Variants in UHRF2 observed in about 807,000 individuals in gnomAD.
UHRF2 encodes E3 ubiquitin-protein ligase UHRF2.
UHRF2 carries 23 observed loss-of-function variants against 96.8 expected under a neutral mutation model. The observed-to-expected ratio is 0.24, with a 90% CI of 0.17 to 0.34. The LOEUF (loss-of-function observed/expected upper bound fraction) is 0.34. Ranked by LOEUF, UHRF2 falls within the 10% of genes least tolerant of loss-of-function variation. The probability of loss-of-function intolerance (pLI) is 1.00; values close to 1 mark genes in which losing one functional copy is unlikely to be tolerated. For synonymous variants in UHRF2, 385 were observed against 332.6 expected (o/e 1.16, Z -1.72); for missense variants, 685 against 981.5 (o/e 0.70, Z 4.04).
At chr9:6,488,235 C>G in intron 9 of UHRF2, among the ~76,000 whole-genome samples, 1 of 112,178 alleles carries the variant, frequency 8.9e-6, no homozygotes, top group African/African-American at 3.5e-5. Context: ...GAACAGAGAG[C>G]AAGACCCTGT....
At chr9:6,440,149 T>C (rs1821081144) in intron 3 of UHRF2, among the ~76,000 whole-genome samples, 1 of 152,302 alleles carries the variant, frequency 6.6e-6, no homozygotes, top group Admixed American at 6.5e-5. Context: ...GTAGAGACCC[T>C]GAAGCTATTG....
intron 3 of UHRF2, among the ~76,000 whole-genome samples, chr9:6,451,456 GTTTTTTTTTGT>G (rs1821854508): frequency 1.1e-4 from 2 of 18,672 alleles, no homozygotes; most frequent in South Asian, 3.6e-3. Flanking sequence ...TTCTTACCTA[GTTTTTTTTTGT>G]TTTTTTTTTT....
intron 3 of UHRF2, among the ~76,000 whole-genome samples, chr9:6,437,880 G>A (rs1026395911): frequency 1.3e-5 from 2 of 152,056 alleles, no homozygotes; most frequent in Non-Finnish European, 2.9e-5. Context: ...CCCAGAGTGC[G>A]AGATTACAGG....
intron 3 of UHRF2, among the ~76,000 whole-genome samples, chr9:6,451,273 T>C (rs944531788): frequency 1.3e-5 from 2 of 152,228 alleles, no homozygotes; most frequent in Non-Finnish European, 2.9e-5. Flanking sequence ...CTGGTGGTGT[T>C]AGGCTACCAG....
chr9:6,432,674 G>T (rs545035190), intron 2 of UHRF2, among the ~76,000 whole-genome samples: 2 of 152,284 alleles, frequency 1.3e-5, no homozygotes, highest in Admixed American at 1.3e-4. Context: ...CTCCCACGAG[G>T]TATGCCATCT....
At chr9:6,483,967 G>A (rs7864509) in intron 8 of UHRF2, among the ~76,000 whole-genome samples, 1,633 of 152,270 alleles carry the variant, frequency 0.011, 26 homozygotes, top group African/African-American at 0.037. Flanking sequence ...GGGATTACAG[G>A]CGTGAGCCAC....
intron 2 of UHRF2, among the ~76,000 whole-genome samples, chr9:6,431,448 A>G: frequency 6.6e-6 from 1 of 152,294 alleles, no homozygotes; most frequent in South Asian, 2.1e-4. Context: ...CTCTACAAGA[A>G]GTAACATTAG....
intron 4 of UHRF2, among the ~76,000 whole-genome samples, chr9:6,463,749 G>C (rs1302275730): frequency 1.3e-5 from 2 of 152,020 alleles, no homozygotes; most frequent in Non-Finnish European, 2.9e-5. Flanking sequence ...AGGATTATAG[G>C]TATGAGCCAC....
rs750161544 is a variant in UHRF2, at chr9:6,420,899, C to T, written c.154-13C>T. The T allele has an allele frequency of 1.3e-6, 2 of 1,593,256 alleles. No homozygotes were observed. Among genetic ancestry groups the T allele is most frequent in the South Asian group, 1.1e-5 (1 of 90,516 alleles). On this transcript the variant is annotated splice_polypyrimidine_tract_variant and intron_variant, in intron 1 of 15. Coordinates refer to ENST00000276893, the MANE Select transcript of UHRF2 (RefSeq NM_152896.3). ...TTAGAGAAGCATTTCACTATTCTTT[C>T]TTTATTTTCTAGTTGGAAAATGGAT... is the stretch of plus-strand genomic sequence containing the variant.
chr9:6,417,475 C>G (rs776178539), intron 1 of UHRF2, among the ~76,000 whole-genome samples: 8 of 152,192 alleles, frequency 5.3e-5, no homozygotes, highest in Non-Finnish European at 1.2e-4. Context: ...TCAGAGATAA[C>G]TTTCAATCTT....
At chr9:6,491,765 G>T (rs138479589) in intron 9 of UHRF2, among the ~76,000 whole-genome samples, 105 of 152,336 alleles carry the variant, frequency 6.9e-4, no homozygotes, top group African/African-American at 2.4e-3. Context: ...TGTGCAGATA[G>T]AGCTGCTTTA....
chr9:6,474,421 A>G (rs1823436495), intron 4 of UHRF2, among the ~76,000 whole-genome samples: 1 of 152,150 alleles, frequency 6.6e-6, no homozygotes, highest in Non-Finnish European at 1.5e-5. Flanking sequence ...AAAAGGAGAA[A>G]TGGGCTGGGT....
At chr9:6,450,335 G>A (rs1043271673) in intron 3 of UHRF2, among the ~76,000 whole-genome samples, 2 of 119,732 alleles carry the variant, frequency 1.7e-5, no homozygotes, top group African/African-American at 6.7e-5. Flanking sequence ...AATAAACTGT[G>A]TCATTTGTCT....
intron 9 of UHRF2, among the ~76,000 whole-genome samples, chr9:6,488,175 C>T (rs929384509): frequency 2.9e-5 from 4 of 140,260 alleles, no homozygotes; most frequent in Admixed American, 7.7e-5. Flanking sequence ...CTCAGGAGGT[C>T]GAGGCTGTAG....
At chr9:6,470,953 A>G (rs1186554431) in intron 4 of UHRF2, among the ~76,000 whole-genome samples, 1 of 152,244 alleles carries the variant, frequency 6.6e-6, no homozygotes, top group Non-Finnish European at 1.5e-5. Context: ...CTGTGAGTCA[A>G]GCATTTCAAG....
chr9:6,425,348 T>C (rs572335480), intron 2 of UHRF2, among the ~76,000 whole-genome samples: 6 of 152,348 alleles, frequency 3.9e-5, no homozygotes, highest in African/African-American at 1.4e-4. Flanking sequence ...TTGTTTTTCT[T>C]AAGCATTATC....
At chr9:6,426,710 C>A (rs578002397) in intron 2 of UHRF2, among the ~76,000 whole-genome samples, 19 of 152,200 alleles carry the variant, frequency 1.2e-4, no homozygotes, top group African/African-American at 3.9e-4. Flanking sequence ...AACTGAAAAC[C>A]ATTTAGAAGC....
chr9:6,470,239 A>G (rs1823162919), intron 4 of UHRF2, among the ~76,000 whole-genome samples: 3 of 151,992 alleles, frequency 2.0e-5, no homozygotes, highest in Non-Finnish European at 2.9e-5. Context: ...CATACGTGGT[A>G]GTGCACACCT....
At chr9:6,425,436 C>T (rs139976155) in intron 2 of UHRF2, among the ~76,000 whole-genome samples, 2 of 152,176 alleles carry the variant, frequency 1.3e-5, no homozygotes, top group East Asian at 3.9e-4. Flanking sequence ...ACCATTTCTC[C>T]AAGGTTCCCT....
Sources: allele counts gnomAD v4.1 joint callset (sites outside exome capture counted in the v4.1 genomes callset), GRCh38; gene constraint gnomAD v4.1.1; transcripts MANE v1.5; gene names NCBI Gene and HGNC (gene_info 2026-07-23, HGNC 2026-07-21).